KIAA0825: variants seen among roughly 807,000 people sequenced by gnomAD.
KIAA0825 encodes the protein KIAA0825.
KIAA0825 carries 119 observed loss-of-function variants against 147.6 expected under a neutral mutation model. That is an observed-to-expected ratio of 0.81 (90% CI 0.69 to 0.94). The LOEUF (loss-of-function observed/expected upper bound fraction) is 0.94. Among genes scored for constraint, KIAA0825 ranks in the 40% least tolerant of loss-of-function variants. The pLI, the probability that KIAA0825 is intolerant of heterozygous loss-of-function variation, is 0.00. For synonymous variants in KIAA0825, 470 were observed against 518.1 expected (o/e 0.91, Z 1.26); for missense variants, 1,381 against 1,472.7 (o/e 0.94, Z 1.02).
At chr5:94,408,515 T>TTGTG (rs3050853) in intron 15 of KIAA0825, among the ~76,000 whole-genome samples, 2,032 of 147,278 alleles carry the variant, frequency 0.014, 49 homozygotes, top group African/African-American at 0.047. Context: ...CTCAGCTAAT[T>TTGTG]TGTGTGTGTG....
At chr5:94,526,116 A>C (rs970913626) in intron 3 of KIAA0825, among the ~76,000 whole-genome samples, 2 of 152,040 alleles carry the variant, frequency 1.3e-5, no homozygotes, top group African/African-American at 2.4e-5. Context: ...TTGTTATACA[A>C]AATAAATATT....
intron 13 of KIAA0825, among the ~76,000 whole-genome samples, chr5:94,441,670 A>G (rs1298313309): frequency 6.6e-6 from 1 of 152,154 alleles, no homozygotes; most frequent in Non-Finnish European, 1.5e-5. Flanking sequence ...GGAAACCTGG[A>G]AGAAGGCCTT....
intron 20 of KIAA0825, among the ~76,000 whole-genome samples, chr5:94,343,289 G>A (rs1332255980): frequency 6.6e-6 from 1 of 152,122 alleles, no homozygotes; most frequent in Admixed American, 6.6e-5. Context: ...GGTAGGGAAA[G>A]GTTTATTTAA....
chr5:94,344,864 C>G (rs1322838296), intron 20 of KIAA0825, among the ~76,000 whole-genome samples: 1 of 151,976 alleles, frequency 6.6e-6, no homozygotes, highest in East Asian at 1.9e-4. Flanking sequence ...CTAGAGTGGT[C>G]AAATTCAGTG....
At chr5:94,417,093 CAACA>C (rs1461577033) in intron 15 of KIAA0825, 104 bp downstream of exon 15, 11 of 1,042,878 alleles carry the variant, frequency 1.1e-5, no homozygotes, top group Non-Finnish European at 1.5e-5. Context: ...AAACTTTCAC[CAACA>C]ACAGATTCAG....
Position 94,396,287 on chromosome 5 carries a change from C to G in KIAA0825, c.3110G>C (p.Gly1037Ala). 1 of 1,550,554 alleles carries G rather than the reference C, an allele frequency of 6.4e-7. No homozygotes were observed. Among genetic ancestry groups the G allele is most frequent in the Non-Finnish European group, 8.7e-7 (1 of 1,146,564 alleles). ...EDGNTVELLTGASLDRWSKEK... is the reference protein window; with the variant it reads ...EDGNTVELLTAASLDRWSKEK... ...TTTACTCCATCTGTCAAGAGAGGCA[C>G]CTGTTAAAAGTTCCACAGTGTTTCC... Residue 1037 changes from glycine (G) to alanine (A), a missense_variant, in exon 17 of 21, where the codon GGT (glycine) becomes GCT (alanine). By Grantham distance (60) the Gly-to-Ala change is moderately conservative. Coordinates refer to ENST00000682413, the MANE Select transcript of KIAA0825 (RefSeq NM_001145678.3).
At chr5:94,529,362 C>CAT (rs59763277) in intron 3 of KIAA0825, among the ~76,000 whole-genome samples, 29 of 134,204 alleles carry the variant, frequency 2.2e-4, no homozygotes, top group South Asian at 4.5e-4. Context: ...ATGTATATAT[C>CAT]ATATATGTAT....
chr5:94,391,643 A>G lies in KIAA0825; in HGVS notation c.3348T>C (p.Ala1116=), dbSNP rs924746903. The change falls in exon 18 of 21, where the codon GCT becomes GCC. Residue 1116 remains alanine (A), a synonymous_variant. Coordinates refer to ENST00000682413, the MANE Select transcript of KIAA0825 (RefSeq NM_001145678.3). ...TTATTTTCTGCTCAGTCAGTTCAAGAGCAACATCTCCTTCTTGTAAGGCCG... is the reference window on the plus strand; with the variant it reads ...TTATTTTCTGCTCAGTCAGTTCAAGGGCAACATCTCCTTCTTGTAAGGCCG... ...KSTALQEGDV[A]LELTEQKINT... is the part of the protein sequence containing the mutation. The G allele has an allele frequency of 4.5e-6, 7 of 1,551,222 alleles. No individual in the cohort carries two copies. Among genetic ancestry groups the G allele is most frequent in the African/African-American group, 2.7e-5 (2 of 73,032 alleles).
chr5:94,354,609 G>A lies in KIAA0825; in HGVS notation c.3710+29759C>T, dbSNP rs926940440. 1.7e-4 allele frequency among the ~76,000 whole-genome samples: 26 copies of A among 151,974 alleles called. 1 individual carries two copies. The highest frequency in any genetic ancestry group is 1.4e-3 in the East Asian group (7 of 5,182). On this transcript the variant is annotated intron_variant, in intron 20 of 20. Transcript: ENST00000682413. The stretch of plus-strand genomic sequence containing the variant: ...ACATGACATATTTTATTTAGCTTAC[G>A]CTGTAATCAGAATAGCCTACGAAGG...
chr5:94,315,724 C>T (rs995767352), intron 20 of KIAA0825, among the ~76,000 whole-genome samples: 4 of 151,572 alleles, frequency 2.6e-5, no homozygotes, highest in Admixed American at 6.6e-5. Flanking sequence ...CCAGTCATAC[C>T]ATGTGGGGCT....
At position 94,335,156 on chromosome 5, in the gene KIAA0825, T is replaced by C. The variant is rs141198422; in HGVS notation, c.3710+49212A>G. On this transcript the variant is annotated intron_variant, in intron 20 of 20. Coordinates refer to ENST00000682413, the MANE Select transcript of KIAA0825 (RefSeq NM_001145678.3). ...TCTAAAATAAAAATAGCTATTGTTA[T>C]TTACTCCTCAATATGAATTTAGAAT... 1.4e-4 allele frequency among the ~76,000 whole-genome samples: 22 copies of C among 152,334 alleles called. No homozygotes were observed. In the Middle Eastern group the frequency reaches 0.01, roughly 71 times the overall value.
chr5:94,462,640 A>G (rs1759978119), intron 11 of KIAA0825, 71 bp from the exon 12 acceptor site: 2 of 856,980 alleles, frequency 2.3e-6, no homozygotes, highest in Non-Finnish European at 3.5e-6. Flanking sequence ...ACTTTCATTC[A>G]TATCTCTTGT....
intron 20 of KIAA0825, among the ~76,000 whole-genome samples, chr5:94,304,950 A>G (rs13185043): frequency 0.36 from 54,556 of 151,672 alleles, 10,035 homozygotes; most frequent in African/African-American, 0.39. Context: ...ATGCACTAAG[A>G]AATAACTGAC....
At chr5:94,524,512 G>A (rs1027231294) in intron 3 of KIAA0825, among the ~76,000 whole-genome samples, 3 of 151,494 alleles carry the variant, frequency 2.0e-5, no homozygotes, top group African/African-American at 7.3e-5. Flanking sequence ...TTCAATCAAC[G>A]GAATAGTAAG....
intron 20 of KIAA0825, among the ~76,000 whole-genome samples, chr5:94,365,066 C>T (rs1053528337): frequency 1.3e-5 from 2 of 151,998 alleles, no homozygotes; most frequent in Non-Finnish European, 2.9e-5. Context: ...TTAGGGTGGG[C>T]GGCTATGTAA....
At position 94,152,821 on chromosome 5, in the gene KIAA0825, GAAAAAAAAAAAAAAAAAAAA is replaced by G. The variant is rs1179311015; in HGVS notation, c.*1166_*1185del. On this transcript the variant is annotated 3_prime_UTR_variant, in exon 21 of 21. Transcript: ENST00000682413. ...CAGAGCAAGACCCTGTTTCTAAAATGAAAAAAAAAAAAAAAAAAAAAAAAAAAAAAAAAATTATATATATA... is the reference window on the plus strand; with the variant it reads ...CAGAGCAAGACCCTGTTTCTAAAATGAAAAAAAAAAAAAATTATATATATA... The G allele has an allele frequency of 1.5e-3, 3 of 2,000 alleles. No homozygotes were observed. Among genetic ancestry groups the G allele is most frequent in the African/African-American group, 2.2e-3 (1 of 462 alleles). 0.1% of individuals were successfully genotyped at this position (2,000 alleles called of 1,614,324 possible).
chr5:94,520,176 A>G (rs2151207720), intron 5 of KIAA0825, 72 bp downstream of exon 5: 2 of 1,411,266 alleles, frequency 1.4e-6, no homozygotes, highest in Middle Eastern at 1.9e-4. Context: ...AACCAAATAG[A>G]AAACATCTTA....
chr5:94,573,282 T>C (rs1182184965), intron 2 of KIAA0825, among the ~76,000 whole-genome samples: 1 of 150,322 alleles, frequency 6.7e-6, no homozygotes, highest in East Asian at 1.9e-4. Context: ...TTTTTTTTTT[T>C]TTTTTTGAGA....
intron 20 of KIAA0825, among the ~76,000 whole-genome samples, chr5:94,218,055 G>C (rs538737242): frequency 6.6e-6 from 1 of 152,070 alleles, no homozygotes; most frequent in Non-Finnish European, 1.5e-5. Flanking sequence ...ACACAAACAC[G>C]TAGGTATTCT....
Sources: allele counts gnomAD v4.1 joint callset (sites outside exome capture counted in the v4.1 genomes callset), GRCh38; gene constraint gnomAD v4.1.1; transcripts MANE v1.5; gene names NCBI Gene and HGNC (gene_info 2026-07-23, HGNC 2026-07-21).